NT5C3B: variants seen among roughly 807,000 people sequenced by gnomAD.
The protein encoded by NT5C3B is 5'-nucleotidase, cytosolic IIIB, also known as 7-methylguanosine phosphate-specific 5'-nucleotidase.
A neutral mutation model predicts 32.5 loss-of-function variants in NT5C3B; 28 were observed. That is an observed-to-expected ratio of 0.86 (90% CI 0.64 to 1.18). NT5C3B has a LOEUF of 1.18. Among genes scored for constraint, NT5C3B ranks in the 50% most tolerant of loss-of-function variants. The probability of loss-of-function intolerance (pLI) is 0.00; values close to 1 mark genes in which losing one functional copy is unlikely to be tolerated. For synonymous variants in NT5C3B, 138 were observed against 118.0 expected (o/e 1.17, Z -1.10); for missense variants, 317 against 322.0 (o/e 0.98, Z 0.12).
At chr17:41,826,905 C>CA (rs764457593) in intron 8 of NT5C3B, among the ~76,000 whole-genome samples, 19 of 149,142 alleles carry the variant, frequency 1.3e-4, no homozygotes, top group Non-Finnish European at 2.7e-4. Context: ...CTGCCTGAGG[C>CA]AGAAGAATCA....
At chr17:41,829,012 T>C (rs2048009553) in intron 6 of NT5C3B, 60 bp from the exon 7 acceptor site, 6 of 1,512,212 alleles carry the variant, frequency 4.0e-6, no homozygotes, top group Non-Finnish European at 5.4e-6. Context: ...CTTTGTTTCC[T>C]ATTTGGGTTG....
chr17:41,826,976 C>A (rs1176525932), intron 8 of NT5C3B, among the ~76,000 whole-genome samples: 1 of 135,128 alleles, frequency 7.4e-6, no homozygotes, highest in Admixed American at 8.4e-5. Flanking sequence ...CTGTAGCCTG[C>A]GGAACAGAGT....
rs1326678463 is a variant in NT5C3B at position 41,828,930 on chromosome 17, TGAA to T, written c.424_426del (p.Phe142del). On this transcript the variant is annotated inframe_deletion, in exon 7 of 9. Coordinates refer to ENST00000435506, the MANE Select transcript of NT5C3B (RefSeq NM_052935.5). Reference sequence around the variant, plus strand: ...GGAATGTTGTTATGGTAGAGTGTGTTGAAGAAGGTCTTATATCCCTCCCTGAAA... The same window carrying T: ...GGAATGTTGTTATGGTAGAGTGTGTTGAAGGTCTTATATCCCTCCCTGAAA... The T allele has an allele frequency of 3.1e-6, 5 of 1,613,590 alleles. No homozygotes were observed. The highest frequency in any genetic ancestry group is 4.2e-6 in the Non-Finnish European group (5 of 1,179,602).
At chr17:41,830,670 T>C in intron 6 of NT5C3B, 131 bp downstream of exon 6, 1 of 679,130 alleles carries the variant, frequency 1.5e-6, no homozygotes, top group Admixed American at 2.4e-5. Context: ...ATCACATCAG[T>C]TGTTCATAGT....
intron 2 of NT5C3B, chr17:41,835,508 G>C (rs530849331): frequency 3.3e-5 from 22 of 672,288 alleles, no homozygotes; most frequent in South Asian, 2.7e-4. Flanking sequence ...GAATACTCAG[G>C]ACCCCTCTGA....
At position 41,836,211 on chromosome 17, in the gene NT5C3B, C is replaced by G; in HGVS notation, c.-18G>C. ...TCTGCCATCCCGTTCGAGGCCTGGT[C>G]GGCGGCTCGCGGGACAACGACAGCC... On this transcript the variant is annotated 5_prime_UTR_variant, in exon 1 of 9. Transcript: ENST00000435506. The G allele has an allele frequency of 8.1e-7, 1 of 1,234,354 alleles. No individual in the cohort carries two copies. Among genetic ancestry groups the G allele is most frequent in the Non-Finnish European group, 1.0e-6 (1 of 990,510 alleles). 76.5% of individuals were successfully genotyped at this position (1,234,354 alleles called of 1,614,324 possible). A position where few individuals can be genotyped will look rare whatever the true frequency, so the allele number is the denominator to read the frequency against.
At chr17:41,835,802 C>T (rs2048141793) in intron 2 of NT5C3B, 57 bp downstream of exon 2, 2 of 1,488,900 alleles carry the variant, frequency 1.3e-6, no homozygotes, top group Non-Finnish European at 1.8e-6. Context: ...GCCCAATGGG[C>T]AGGAAGCCTC....
chr17:41,826,463 TCC>T (rs781857832), intron 8 of NT5C3B, among the ~76,000 whole-genome samples: 1 of 151,860 alleles, frequency 6.6e-6, no homozygotes, highest in Non-Finnish European at 1.5e-5. Flanking sequence ...CCTCAAGTGA[TCC>T]CCCTGCCCTG....
chr17:41,825,709 C>T (rs747117872), intron 8 of NT5C3B, 52 bp from the exon 9 acceptor site: 18 of 867,716 alleles, frequency 2.1e-5, no homozygotes, highest in Admixed American at 6.8e-5. Context: ...CCCTGCCCTC[C>T]GTAGCTCACT....
intron 5 of NT5C3B, 100 bp from the exon 6 acceptor site, chr17:41,830,990 G>T: frequency 1.3e-6 from 1 of 786,426 alleles, no homozygotes. Flanking sequence ...CAGCATTGCC[G>T]ACAGAGGCCT....
At chr17:41,835,984 G>A in intron 1 of NT5C3B, 27 bp from the exon 2 acceptor site, 1 of 1,551,918 alleles carries the variant, frequency 6.4e-7, no homozygotes, top group Non-Finnish European at 8.7e-7. Context: ...GAGAACCACT[G>A]ACCCCTGCGC....
At chr17:41,829,458 T>C (rs1375702604) in intron 6 of NT5C3B, among the ~76,000 whole-genome samples, 3 of 152,242 alleles carry the variant, frequency 2.0e-5, no homozygotes, top group Non-Finnish European at 4.4e-5. Context: ...GACATATGTA[T>C]ACACCCATGT....
intron 8 of NT5C3B, among the ~76,000 whole-genome samples, 168 bp downstream of exon 8, chr17:41,827,258 C>T (rs2047982330): frequency 6.6e-6 from 1 of 151,272 alleles, no homozygotes. Flanking sequence ...GAGATCATGC[C>T]ACTGCACTCC....
chr17:41,827,307 AT>A lies in NT5C3B; in HGVS notation c.768+118del, dbSNP rs1388299396. On this transcript the variant is annotated intron_variant, in intron 8 of 8. Coordinates refer to ENST00000435506, the MANE Select transcript of NT5C3B (RefSeq NM_052935.5). ...GAGTGAGACCCCGTCTCAAAAAAAA[AT>A]AAAATAAAATAAAATAAAAATAGAA... 2.3e-4 allele frequency: 107 copies of A among 459,934 alleles called. 1 individual carries two copies. Among genetic ancestry groups the A allele is most frequent in the African/African-American group, 1.6e-3 (76 of 49,004 alleles). The allele number at this position is 459,934 out of a possible 1,614,324, so 28.5% of individuals were successfully genotyped here.
intron 5 of NT5C3B, among the ~76,000 whole-genome samples, chr17:41,831,445 A>T (rs1356567302): frequency 2.0e-5 from 3 of 152,024 alleles, no homozygotes; most frequent in African/African-American, 7.2e-5. Context: ...CTATCTGGAG[A>T]ACTGGGGCTC....
At chr17:41,829,058 G>A (rs2144093145) in intron 6 of NT5C3B, 106 bp from the exon 7 acceptor site, 1 of 974,596 alleles carries the variant, frequency 1.0e-6, no homozygotes, top group Non-Finnish European at 1.5e-6. Context: ...GTCTTGCTCT[G>A]TTGCCCAGGC....
rs781790388 is a variant in NT5C3B at position 41,828,775 on chromosome 17, C to G, written c.567+15G>C. 2 of 1,606,988 alleles carry G rather than the reference C, an allele frequency of 1.2e-6. No individual in the cohort carries two copies. The highest frequency in any genetic ancestry group is 1.7e-6 in the Non-Finnish European group (2 of 1,175,006). On this transcript the variant is annotated intron_variant, in intron 7 of 8. Coordinates refer to ENST00000435506, the MANE Select transcript of NT5C3B (RefSeq NM_052935.5). The stretch of plus-strand genomic sequence containing the variant: ...ACCCCTCGTCCTTTCCCAGCCCAAA[C>G]AGGATTTGGCTCACATCTTCATTAA...
intron 8 of NT5C3B, among the ~76,000 whole-genome samples, chr17:41,826,316 T>C (rs2047962414): frequency 6.6e-6 from 1 of 152,148 alleles, no homozygotes; most frequent in Admixed American, 6.5e-5. Flanking sequence ...TTCAACCTCC[T>C]GGACTCAAGT....
At chr17:41,836,096 G>GCCTC (rs2048152636) in intron 1 of NT5C3B, 86 bp downstream of exon 1, 5 of 1,345,136 alleles carry the variant, frequency 3.7e-6, no homozygotes, top group Non-Finnish European at 4.8e-6. Flanking sequence ...AAGCGGCGGT[G>GCCTC]CCTCGGTGAC....
Sources: allele counts gnomAD v4.1 joint callset (sites outside exome capture counted in the v4.1 genomes callset), GRCh38; gene constraint gnomAD v4.1.1; transcripts MANE v1.5; gene names NCBI Gene and HGNC (gene_info 2026-07-23, HGNC 2026-07-21).